ALPK2: variants seen among roughly 807,000 people sequenced by gnomAD.
The protein encoded by ALPK2 is alpha kinase 2, also known as alpha-protein kinase 2.
A neutral mutation model predicts 163.1 loss-of-function variants in ALPK2; 127 were observed. That is an observed-to-expected ratio of 0.78 (90% CI 0.67 to 0.90). ALPK2 has a LOEUF of 0.90. ALPK2 is among the 40% of genes least tolerant of loss of function. The probability of loss-of-function intolerance (pLI) is 0.00; values close to 1 mark genes in which losing one functional copy is unlikely to be tolerated. For synonymous variants in ALPK2, 953 were observed against 959.1 expected, an observed-to-expected ratio of 0.99 and a Z score of 0.12; for missense variants, 2,360 against 2,589.6, an observed-to-expected ratio of 0.91 and a Z score of 1.92.
chr18:58,579,455 A>G lies in ALPK2; in HGVS notation c.1321T>C (p.Ser441Pro). ...TATCTCCCCTGTTCTGTCACTGAAG[A>G]CGTTCCATCCTGGTGAGGTCCCAAA... ...LILGPHQDGT[S>P]SVTEQGRYKL... is the part of the protein sequence containing the mutation. Residue 441 changes from serine to proline, a missense_variant, in exon 4 of 13, where the codon TCT becomes CCT. Physicochemically the swap from Ser to Pro is moderately conservative, Grantham distance 74 (BLOSUM62 -1). Coordinates refer to ENST00000361673, the MANE Select transcript of ALPK2 (RefSeq NM_052947.4). 1 of 1,614,080 alleles carries G rather than the reference A, an allele frequency of 6.2e-7. No individual in the cohort carries two copies. Among genetic ancestry groups the G allele is most frequent in the Non-Finnish European group, 8.5e-7 (1 of 1,180,030 alleles).
intron 5 of ALPK2, 91 bp from the exon 6 acceptor site, chr18:58,529,329 A>G: frequency 7.7e-7 from 1 of 1,294,290 alleles, no homozygotes; most frequent in Non-Finnish European, 1.1e-6. Flanking sequence ...AGACAGGAAT[A>G]TTAATTATTA....
At chr18:58,612,135 G>A (rs1030665789) in intron 1 of ALPK2, among the ~76,000 whole-genome samples, 8 of 148,090 alleles carry the variant, frequency 5.4e-5, no homozygotes, top group Non-Finnish European at 7.4e-5. Flanking sequence ...CAGGGGAATG[G>A]GGGGGTGCCC....
chr18:58,514,737 T>C (rs544428535), intron 10 of ALPK2, among the ~76,000 whole-genome samples: 1 of 151,688 alleles, frequency 6.6e-6, no homozygotes, highest in Non-Finnish European at 1.5e-5. Context: ...GATTAATCCA[T>C]ACACCCATCC....
At chr18:58,623,484 T>A (rs1489376733) in intron 1 of ALPK2, among the ~76,000 whole-genome samples, 4 of 152,162 alleles carry the variant, frequency 2.6e-5, no homozygotes. Context: ...TTATTTCTTT[T>A]GAGATAGGGT....
rs34304827 is a variant in ALPK2, at chr18:58,517,172, C to G, written c.5676G>C (p.Glu1892Asp). ...SSRQDTKGCE[E>D]IEFSQLIFKE... ...TGAAGATGAGTTGGCTGAATTCAAT[C>G]TCTTCACATCCTGAAACACAGCACA... Residue 1892 changes from glutamate (E) to aspartate (D), a missense_variant, in exon 9 of 13, where the codon GAG (glutamate) becomes GAC (aspartate). Transcript: ENST00000361673. 6.2e-7 allele frequency: 1 copy of G among 1,613,896 alleles called. No individual in the cohort carries two copies. The highest frequency in any genetic ancestry group is 8.5e-7 in the Non-Finnish European group (1 of 1,179,828).
rs756122035 is a variant in ALPK2, at chr18:58,580,220, T to A, written c.556A>T (p.Ser186Cys). The A allele has an allele frequency of 3.1e-6, 5 of 1,614,238 alleles. No individual in the cohort carries two copies. Among genetic ancestry groups the A allele is most frequent in the Non-Finnish European group, 4.2e-6 (5 of 1,180,032 alleles). ...TTAACACCCAAAGGATTTTCAGAAC[T>A]GGACACACTAATGTCAAGATTGCCC... is the stretch of plus-strand genomic sequence containing the variant. ...SLGNLDISVS[S>C]SENPLGVKGT... Residue 186 changes from serine to cysteine, a missense_variant, in exon 4 of 13, where the codon AGT becomes TGT. Transcript: ENST00000361673.
intron 3 of ALPK2, among the ~76,000 whole-genome samples, chr18:58,606,300 A>T (rs1304239984): frequency 1.3e-5 from 2 of 152,084 alleles, no homozygotes; most frequent in Non-Finnish European, 2.9e-5. Flanking sequence ...GGCTTGTCTC[A>T]AACTCCTGGC....
intron 4 of ALPK2, chr18:58,543,480 G>C (rs1321164872): frequency 7.5e-6 from 6 of 800,484 alleles, no homozygotes; most frequent in Non-Finnish European, 9.1e-6. Context: ...GGGTTCCAAA[G>C]AGAGAGGGCA....
chr18:58,626,217 A>C (rs966706999), intron 1 of ALPK2, among the ~76,000 whole-genome samples: 1 of 152,150 alleles, frequency 6.6e-6, no homozygotes, highest in Non-Finnish European at 1.5e-5. Flanking sequence ...TGTCTGATAA[A>C]GTTCTTGGGA....
At chr18:58,529,630 T>C (rs2051601880) in intron 5 of ALPK2, among the ~76,000 whole-genome samples, 1 of 152,158 alleles carries the variant, frequency 6.6e-6, no homozygotes, top group East Asian at 1.9e-4. Context: ...AATTAGGGAG[T>C]AGAATAAAAT....
chr18:58,482,773 C>T (rs1274188120), intron 12 of ALPK2, among the ~76,000 whole-genome samples: 1 of 152,126 alleles, frequency 6.6e-6, no homozygotes, highest in Non-Finnish European at 1.5e-5. Flanking sequence ...TATAAATGGC[C>T]ATGTTTTCAT....
chr18:58,565,365 G>T (rs187217904), intron 4 of ALPK2, among the ~76,000 whole-genome samples: 1 of 152,204 alleles, frequency 6.6e-6, no homozygotes, highest in African/African-American at 2.4e-5. Context: ...AATCTTACTG[G>T]CAATGTACCC....
Position 58,516,928 on chromosome 18 carries a change from TC to T in ALPK2, c.5919del (p.Asn1974ThrfsTer60). On this transcript the variant is annotated frameshift_variant, in exon 9 of 13. Transcript: ENST00000361673. The stretch of plus-strand genomic sequence containing the variant: ...CCCACCTGGGCAGCGAGTTTGTAGT[TC>T]CTTTGGATGAGCTCATCATTATTTC... ...GTRNNDELIQ[R>X]NYKLAAQECY... The T allele has an allele frequency of 6.2e-7, 1 of 1,613,660 alleles. No individual in the cohort carries two copies. Among genetic ancestry groups the T allele is most frequent in the South Asian group, 1.1e-5 (1 of 91,074 alleles).
At chr18:58,489,204 C>T (rs1042164739) in intron 12 of ALPK2, among the ~76,000 whole-genome samples, 9 of 152,168 alleles carry the variant, frequency 5.9e-5, no homozygotes, top group Non-Finnish European at 1.2e-4. Flanking sequence ...TTCAGAGGCA[C>T]GTTGTGAGCC....
rs62096313 is a variant in ALPK2 at position 58,591,521 on chromosome 18, G to A, written c.228-10973C>T. On this transcript the variant is annotated intron_variant, in intron 3 of 12. Transcript: ENST00000361673. ...CATTAACAAGCGTGCCAGTTATAAG[G>A]ATTCAGGTGTTGGGGGCATGCAAGA... 9.7e-3 allele frequency among the ~76,000 whole-genome samples: 1,473 copies of A among 152,286 alleles called. 12 individuals carry two copies. Among genetic ancestry groups the A allele is most frequent in the Middle Eastern group, 0.024 (7 of 294 alleles).
Position 58,580,424 on chromosome 18 carries a change from C to G in ALPK2, c.352G>C (p.Glu118Gln), listed in dbSNP as rs1220702575. The G allele has an allele frequency of 2.5e-6, 4 of 1,614,024 alleles. No individual in the cohort carries two copies. Among genetic ancestry groups the G allele is most frequent in the African/African-American group, 1.3e-5 (1 of 74,896 alleles). The change falls in exon 4 of 13, where the codon GAA becomes CAA. Residue 118 changes from glutamate (E) to glutamine (Q), a missense_variant. Coordinates refer to ENST00000361673, the MANE Select transcript of ALPK2 (RefSeq NM_052947.4). The part of the protein sequence containing the change: ...SENPQLSPNL[E>Q]DDRDRGWKHE... ...TTCCAACCCCTGTCCCTGTCATCTTCCAGGTTAGGAGACAATTGTGGGTTC... is the reference window on the plus strand; with the variant it reads ...TTCCAACCCCTGTCCCTGTCATCTTGCAGGTTAGGAGACAATTGTGGGTTC...
intron 3 of ALPK2, among the ~76,000 whole-genome samples, chr18:58,598,645 G>A (rs940915234): frequency 1.3e-5 from 2 of 152,158 alleles, no homozygotes; most frequent in Non-Finnish European, 2.9e-5. Context: ...AGCCCTTCCC[G>A]GGACTCACAG....
chr18:58,573,497 G>T (rs1484871410), intron 4 of ALPK2, among the ~76,000 whole-genome samples: 2 of 148,772 alleles, frequency 1.3e-5, no homozygotes, highest in Non-Finnish European at 3.0e-5. Context: ...AACGGCCTTG[G>T]ATTCCCAAAG....
At chr18:58,488,450 C>A (rs1286148853) in intron 12 of ALPK2, among the ~76,000 whole-genome samples, 1 of 138,410 alleles carries the variant, frequency 7.2e-6, no homozygotes. Flanking sequence ...TCTCTGGGAT[C>A]CGCTCACAAC....
Sources: gnomAD v4.1 joint callset for allele counts (sites outside exome capture counted in the v4.1 genomes callset) on GRCh38, gnomAD v4.1.1 for gene constraint, MANE v1.5 for transcripts, NCBI Gene and HGNC (gene_info 2026-07-23, HGNC 2026-07-21) for gene names.